Variants in GRM1 observed in about 807,000 individuals in gnomAD.
GRM1 encodes glutamate metabotropic receptor 1, also known as metabotropic glutamate receptor 1.
A neutral mutation model predicts 90.9 loss-of-function variants in GRM1; 33 were observed. The observed-to-expected ratio is 0.36, with a 90% CI of 0.28 to 0.49. The LOEUF (loss-of-function observed/expected upper bound fraction) is 0.49. Among genes scored for constraint, GRM1 ranks in the 20% least tolerant of loss-of-function variants. The pLI is 0.99. For missense variants in GRM1, 1,190 were observed against 1,534.3 expected, an observed-to-expected ratio of 0.78 and a Z score of 3.75; for synonymous variants, 700 against 613.2, an observed-to-expected ratio of 1.14 and a Z score of -2.09.
At chr6:146,217,592 A>C (rs1319678308) in intron 2 of GRM1, among the ~76,000 whole-genome samples, 3 of 152,168 alleles carry the variant, frequency 2.0e-5, no homozygotes, top group Non-Finnish European at 1.5e-5. Flanking sequence ...TCATTTATTC[A>C]AATCAAGAGA....
At chr6:146,410,840 G>A (rs1454615584) in intron 7 of GRM1, among the ~76,000 whole-genome samples, 2 of 152,174 alleles carry the variant, frequency 1.3e-5, no homozygotes, top group East Asian at 3.8e-4. Flanking sequence ...TCCTTATAAG[G>A]AATGTTTGTT....
intron 1 of GRM1, among the ~76,000 whole-genome samples, chr6:146,063,031 A>C (rs1428679500): frequency 2.0e-5 from 3 of 152,122 alleles, no homozygotes; most frequent in African/African-American, 7.2e-5. Context: ...AGTGAGGCTA[A>C]GTCCAATCGG....
chr6:146,171,067 T>C (rs1778103512), intron 2 of GRM1, among the ~76,000 whole-genome samples: 1 of 152,144 alleles, frequency 6.6e-6, no homozygotes, highest in African/African-American at 2.4e-5. Flanking sequence ...GAGAAAACCA[T>C]GGCTCACTGA....
At position 146,105,413 on chromosome 6, in the gene GRM1, A is replaced by G. The variant is rs149159599; in HGVS notation, c.701-53935A>G. 4.9e-3 allele frequency among the ~76,000 whole-genome samples: 748 copies of G among 152,344 alleles called. 4 individuals carry two copies. Among genetic ancestry groups the G allele is most frequent in the Middle Eastern group, 0.017 (5 of 294 alleles). On this transcript the variant is annotated intron_variant, in intron 1 of 7. Coordinates refer to ENST00000282753, the MANE Select transcript of GRM1 (RefSeq NM_001278064.2). Reference sequence around the variant, plus strand: ...AAGTAGATAGGAGTAAGTTATAAACAACCAAATGAAACATTAGTAGTAAGT... The same window carrying G: ...AAGTAGATAGGAGTAAGTTATAAACGACCAAATGAAACATTAGTAGTAAGT...
intron 1 of GRM1, among the ~76,000 whole-genome samples, chr6:146,147,698 C>CA (rs1777164419): frequency 6.6e-6 from 1 of 152,130 alleles, no homozygotes; most frequent in Non-Finnish European, 1.5e-5. Flanking sequence ...ATCCTGTGCT[C>CA]AAGCTGAAGT....
intron 7 of GRM1, among the ~76,000 whole-genome samples, chr6:146,400,968 A>G (rs1231108972): frequency 1.3e-5 from 2 of 152,002 alleles, no homozygotes; most frequent in African/African-American, 4.8e-5. Flanking sequence ...AATTTTTGTA[A>G]CTTTTCAATG....
chr6:146,316,114 A>T (rs1783957059), intron 3 of GRM1, among the ~76,000 whole-genome samples: 1 of 152,186 alleles, frequency 6.6e-6, no homozygotes, highest in Non-Finnish European at 1.5e-5. Context: ...GTAACATTAG[A>T]GGGTCAGCAG....
intron 2 of GRM1, among the ~76,000 whole-genome samples, chr6:146,301,694 A>C (rs900228854): frequency 6.6e-6 from 1 of 152,146 alleles, no homozygotes; most frequent in Non-Finnish European, 1.5e-5. Context: ...TCAAAGCCTA[A>C]CTGGTCTTAT....
intron 2 of GRM1, among the ~76,000 whole-genome samples, chr6:146,275,669 A>C (rs928860131): frequency 1.3e-5 from 2 of 152,132 alleles, no homozygotes; most frequent in Non-Finnish European, 2.9e-5. Flanking sequence ...CCTTTGTTTA[A>C]AGTTTCACTC....
At chr6:146,139,954 C>A (rs1489832171) in intron 1 of GRM1, among the ~76,000 whole-genome samples, 1 of 88,546 alleles carries the variant, frequency 1.1e-5, no homozygotes, top group Admixed American at 1.2e-4. Context: ...GCCCTCCCCT[C>A]CCCTTCCCTT....
chr6:146,140,877 A>G (rs1776853484), intron 1 of GRM1, among the ~76,000 whole-genome samples: 1 of 152,168 alleles, frequency 6.6e-6, no homozygotes, highest in Admixed American at 6.5e-5. Flanking sequence ...TTCATCTTTT[A>G]GTCTTTCTAC....
At chr6:146,086,411 C>A (rs1776546621) in intron 1 of GRM1, among the ~76,000 whole-genome samples, 1 of 152,022 alleles carries the variant, frequency 6.6e-6, no homozygotes, top group Non-Finnish European at 1.5e-5. Context: ...TGTCTCAAGG[C>A]CAGACTACTC....
At chr6:146,038,143 A>G (rs1010472111) in intron 1 of GRM1, among the ~76,000 whole-genome samples, 5 of 152,000 alleles carry the variant, frequency 3.3e-5, no homozygotes, top group African/African-American at 7.2e-5. Flanking sequence ...TAAGACCAGA[A>G]TTAAACACCT....
At chr6:146,341,384 C>G (rs144432470) in intron 3 of GRM1, among the ~76,000 whole-genome samples, 7 of 152,212 alleles carry the variant, frequency 4.6e-5, no homozygotes, top group Admixed American at 3.3e-4. Flanking sequence ...CATCTAAATT[C>G]CAAGCTCTAG....
intron 5 of GRM1, among the ~76,000 whole-genome samples, chr6:146,375,219 T>C (rs1048899998): frequency 5.9e-5 from 9 of 152,188 alleles, no homozygotes; most frequent in South Asian, 2.1e-4. Context: ...ACTTTTATTC[T>C]GTTGTGATCA....
At chr6:146,254,379 T>C (rs753718492) in intron 2 of GRM1, among the ~76,000 whole-genome samples, 7 of 152,254 alleles carry the variant, frequency 4.6e-5, no homozygotes, top group Non-Finnish European at 8.8e-5. Context: ...ACTCTAGACG[T>C]TCAGACAGAA....
intron 5 of GRM1, among the ~76,000 whole-genome samples, chr6:146,366,947 T>C (rs1348793656): frequency 6.6e-6 from 1 of 152,200 alleles, no homozygotes; most frequent in East Asian, 1.9e-4. Flanking sequence ...GCCTGTGCTT[T>C]TGAGGTTTTA....
chr6:146,068,466 C>G (rs1037693358), intron 1 of GRM1, among the ~76,000 whole-genome samples: 4 of 152,070 alleles, frequency 2.6e-5, no homozygotes, highest in Admixed American at 6.5e-5. Context: ...TCTTTGCATC[C>G]ACAATTTTAA....
chr6:146,100,000 TC>T (rs1280832501), intron 1 of GRM1, among the ~76,000 whole-genome samples: 2 of 152,220 alleles, frequency 1.3e-5, no homozygotes. Flanking sequence ...GTATGACAAT[TC>T]CTACTGCTCC....
Sources: allele counts gnomAD v4.1 joint callset (sites outside exome capture counted in the v4.1 genomes callset), GRCh38; gene constraint gnomAD v4.1.1; transcripts MANE v1.5; gene names NCBI Gene and HGNC (gene_info 2026-07-23, HGNC 2026-07-21).